Variants in PPP1R42 observed in about 807,000 individuals in gnomAD.
PPP1R42 encodes leucine rich repeat containing 67.
Under a neutral mutation model 31.0 loss-of-function variants are expected in PPP1R42, and 34 were observed. That is an observed-to-expected ratio of 1.10 (90% confidence interval 0.83 to 1.46). PPP1R42 has a LOEUF of 1.46. Ranked by LOEUF, PPP1R42 falls within the 40% of genes most tolerant of loss-of-function variation. The pLI, the probability that PPP1R42 is intolerant of heterozygous loss-of-function variation, is 0.00. For missense variants in PPP1R42, 268 were observed against 303.0 expected, an observed-to-expected ratio of 0.88 and a Z score of 0.86; for synonymous variants, 103 against 109.8, an observed-to-expected ratio of 0.94 and a Z score of 0.39.
intron 5 of PPP1R42, among the ~76,000 whole-genome samples, chr8:67,003,967 G>C (rs929202551): frequency 1.3e-5 from 2 of 152,094 alleles, no homozygotes; most frequent in African/African-American, 4.8e-5. Context: ...GCGGGCGCCT[G>C]TAGTCCCAGC....
intron 5 of PPP1R42, among the ~76,000 whole-genome samples, chr8:67,001,472 T>G (rs1453591732): frequency 6.7e-6 from 1 of 150,296 alleles, no homozygotes; most frequent in Admixed American, 6.7e-5. Flanking sequence ...TTGGCTGAGT[T>G]TAAGACTACT....
intron 5 of PPP1R42, among the ~76,000 whole-genome samples, chr8:67,002,397 C>T (rs2129536614): frequency 6.6e-6 from 1 of 152,220 alleles, no homozygotes; most frequent in South Asian, 2.1e-4. Context: ...CGTGGTTTCA[C>T]CATGTTGGCC....
chr8:67,000,650 GT>G (rs1164053160), intron 5 of PPP1R42, among the ~76,000 whole-genome samples: 4 of 152,206 alleles, frequency 2.6e-5, no homozygotes, highest in African/African-American at 9.6e-5. Context: ...TGGAGACAGG[GT>G]TTCACTATGT....
chr8:66,982,047 A>C lies in PPP1R42; in HGVS notation c.802+2T>G, dbSNP rs1814857444. On this transcript the variant is annotated splice_donor_variant, in intron 7 of 7. Transcript: ENST00000685739. LOFTEE classifies it high-confidence loss of function. ...TCACCTAATGAGTGACAGAGTGCTT[A>C]CTTATGAGTGAATTGCTTGCATCCT... 4 of 1,429,122 alleles carry C rather than the reference A, an allele frequency of 2.8e-6. No individual in the cohort carries two copies. Among genetic ancestry groups the C allele is most frequent in the Non-Finnish European group, 3.6e-6 (4 of 1,100,642 alleles). 88.5% of individuals were successfully genotyped at this position (1,429,122 alleles called of 1,614,324 possible). A position where few individuals can be genotyped will look rare whatever the true frequency, so the allele number is the denominator to read the frequency against.
At chr8:67,012,403 C>T (rs557409695) in intron 4 of PPP1R42, among the ~76,000 whole-genome samples, 1 of 152,218 alleles carries the variant, frequency 6.6e-6, no homozygotes, top group East Asian at 1.9e-4. Flanking sequence ...TTTATTGTGG[C>T]ACCTCCATCC....
chr8:67,014,359 A>G (rs1403910577), intron 3 of PPP1R42, 67 bp downstream of exon 3: 1 of 933,446 alleles, frequency 1.1e-6, no homozygotes. Context: ...AAATGCCTTC[A>G]TGCAAAAAAA....
At chr8:66,966,896 CAG>C (rs890033860) in intron 7 of PPP1R42, among the ~76,000 whole-genome samples, 3 of 152,186 alleles carry the variant, frequency 2.0e-5, no homozygotes, top group African/African-American at 7.2e-5. Flanking sequence ...CTCTTGTTCA[CAG>C]AGTAAACCAT....
chr8:67,026,084 C>T (rs944889380), intron 1 of PPP1R42, among the ~76,000 whole-genome samples: 3 of 151,604 alleles, frequency 2.0e-5, no homozygotes, highest in African/African-American at 4.9e-5. Flanking sequence ...GATTGTAATC[C>T]CAGCACTTTG....
intron 5 of PPP1R42, among the ~76,000 whole-genome samples, chr8:67,005,354 T>G (rs1367134898): frequency 6.6e-6 from 1 of 152,152 alleles, no homozygotes; most frequent in Admixed American, 6.5e-5. Context: ...CTGATGGAAC[T>G]GATCTCTAAA....
chr8:66,971,476 A>C (rs1223685005), intron 7 of PPP1R42, among the ~76,000 whole-genome samples: 1 of 152,086 alleles, frequency 6.6e-6, no homozygotes, highest in Non-Finnish European at 1.5e-5. Context: ...CGTTTTGGGG[A>C]TATGTCCATA....
chr8:66,973,277 C>G (rs954311616), intron 7 of PPP1R42, among the ~76,000 whole-genome samples: 3 of 151,700 alleles, frequency 2.0e-5, no homozygotes, highest in African/African-American at 7.3e-5. Flanking sequence ...GATCTACCCT[C>G]CTTTTTTTTT....
chr8:66,993,600 C>T (rs1815251981), intron 5 of PPP1R42, among the ~76,000 whole-genome samples: 1 of 152,200 alleles, frequency 6.6e-6, no homozygotes, highest in South Asian at 2.1e-4. Flanking sequence ...AGTGACCTCT[C>T]TAACTAGGAC....
At chr8:66,980,404 T>C (rs1814792250) in intron 7 of PPP1R42, among the ~76,000 whole-genome samples, 1 of 151,692 alleles carries the variant, frequency 6.6e-6, no homozygotes, top group Admixed American at 6.6e-5. Context: ...TTTTAAAGTA[T>C]TTTTTTTATA....
At chr8:67,013,654 A>G (rs1815912193) in intron 3 of PPP1R42, among the ~76,000 whole-genome samples, 1 of 152,192 alleles carries the variant, frequency 6.6e-6, no homozygotes, top group African/African-American at 2.4e-5. Flanking sequence ...TAGGACATCA[A>G]GGCTGAGATG....
At position 67,013,097 on chromosome 8, in the gene PPP1R42, C is replaced by T. The variant is rs1012587658; in HGVS notation, c.297-1G>A. On this transcript the variant is annotated splice_acceptor_variant, in intron 3 of 7. Transcript: ENST00000685739. LOFTEE classifies it high-confidence loss of function. ...AGCAATGTAATTGCCTCCCAGATAC[C>T]TGCAAAACATAGACATAATTCTAAA... 4 of 1,588,684 alleles carry T rather than the reference C, an allele frequency of 2.5e-6. No homozygotes were observed. Among genetic ancestry groups the T allele is most frequent in the East Asian group, 2.3e-5 (1 of 44,060 alleles).
intron 7 of PPP1R42, 138 bp from the exon 8 acceptor site, chr8:66,964,472 G>T (rs985585616): frequency 6.5e-6 from 2 of 308,620 alleles, no homozygotes; most frequent in Non-Finnish European, 1.1e-5. Context: ...TGTGAATCTT[G>T]TCGGGCTTTA....
intron 1 of PPP1R42, among the ~76,000 whole-genome samples, chr8:67,026,633 C>G (rs139352635): frequency 6.6e-6 from 1 of 151,780 alleles, no homozygotes; most frequent in Non-Finnish European, 1.5e-5. Context: ...CCCAGGAGTT[C>G]GAGACCAGCC....
intron 1 of PPP1R42, among the ~76,000 whole-genome samples, chr8:67,021,903 A>G (rs1352312817): frequency 6.6e-6 from 1 of 152,120 alleles, no homozygotes; most frequent in Non-Finnish European, 1.5e-5. Context: ...AATATTTACT[A>G]TACAATATTC....
chr8:66,999,306 C>A (rs192393971), intron 5 of PPP1R42, among the ~76,000 whole-genome samples: 1 of 152,110 alleles, frequency 6.6e-6, no homozygotes, highest in Non-Finnish European at 1.5e-5. Flanking sequence ...CTGCACCCTC[C>A]ACCTCTTGGG....
Sources: allele counts gnomAD v4.1 joint callset (sites outside exome capture counted in the v4.1 genomes callset), GRCh38; gene constraint gnomAD v4.1.1; transcripts MANE v1.5; gene names NCBI Gene and HGNC (gene_info 2026-07-23, HGNC 2026-07-21).